Variants in NEGR1 observed in about 807,000 individuals in gnomAD.
The protein encoded by NEGR1 is IgLON family member 4.
NEGR1 carries 10 observed loss-of-function variants against 40.9 expected under a neutral mutation model. The observed-to-expected ratio is 0.24, with a 90% confidence interval of 0.15 to 0.42. The LOEUF (loss-of-function observed/expected upper bound fraction) is 0.42. Among genes scored for constraint, NEGR1 ranks in the 10% least tolerant of loss-of-function variants. The pLI is 1.00. For missense variants in NEGR1, 352 were observed against 438.9 expected, an observed-to-expected ratio of 0.80 and a Z score of 1.77; for synonymous variants, 185 against 166.8, an observed-to-expected ratio of 1.11 and a Z score of -0.84.
At chr1:72,270,321 T>C (rs1317656271) in intron 1 of NEGR1, among the ~76,000 whole-genome samples, 1 of 151,900 alleles carries the variant, frequency 6.6e-6, no homozygotes, top group Non-Finnish European at 1.5e-5. Context: ...TTTGCAAATA[T>C]GCAGAATTAG....
At chr1:72,097,917 T>C (rs541299185) in intron 1 of NEGR1, among the ~76,000 whole-genome samples, 2 of 152,328 alleles carry the variant, frequency 1.3e-5, no homozygotes, top group African/African-American at 2.4e-5. Flanking sequence ...ATTTGGTTGA[T>C]ACCCCCATAT....
intron 2 of NEGR1, among the ~76,000 whole-genome samples, chr1:71,930,088 T>G (rs1468472416): frequency 6.6e-6 from 1 of 152,140 alleles, no homozygotes; most frequent in African/African-American, 2.4e-5. Flanking sequence ...TATTCATAGA[T>G]TAAGGTGGTA....
intron 1 of NEGR1, among the ~76,000 whole-genome samples, chr1:72,167,163 A>G (rs1339450239): frequency 6.6e-6 from 1 of 152,106 alleles, no homozygotes; most frequent in East Asian, 1.9e-4. Flanking sequence ...CAAAAATAAG[A>G]AAAAAACATT....
chr1:71,418,353 G>T (rs899305722), intron 6 of NEGR1, among the ~76,000 whole-genome samples: 12 of 150,748 alleles, frequency 8.0e-5, no homozygotes, highest in Non-Finnish European at 1.5e-4. Flanking sequence ...TTACTCTGTC[G>T]CCCAGGCTGG....
chr1:71,592,767 TA>T, intron 6 of NEGR1, 49 bp downstream of exon 6: 12 of 1,455,246 alleles, frequency 8.2e-6, no homozygotes, highest in Non-Finnish European at 1.1e-5. Context: ...TACAGATGGA[TA>T]GGGGCCCAGA....
At chr1:71,730,308 A>G (rs1259512733) in intron 3 of NEGR1, among the ~76,000 whole-genome samples, 1 of 152,030 alleles carries the variant, frequency 6.6e-6, no homozygotes, top group African/African-American at 2.4e-5. Context: ...TGATTTGGAA[A>G]AAGAGACAAT....
intron 6 of NEGR1, among the ~76,000 whole-genome samples, chr1:71,587,998 C>T (rs968574500): frequency 2.6e-5 from 4 of 152,094 alleles, no homozygotes; most frequent in African/African-American, 9.7e-5. Context: ...GATGGCAAGT[C>T]TTTGAATACG....
At chr1:71,503,676 A>G (rs1647013476) in intron 6 of NEGR1, among the ~76,000 whole-genome samples, 1 of 152,136 alleles carries the variant, frequency 6.6e-6, no homozygotes. Flanking sequence ...TCCTCTTACA[A>G]GTACTGGAAT....
chr1:71,497,910 A>T (rs1451379627), intron 6 of NEGR1, among the ~76,000 whole-genome samples: 1 of 152,088 alleles, frequency 6.6e-6, no homozygotes, highest in Non-Finnish European at 1.5e-5. Context: ...TCAGGGTAGG[A>T]TGCTAAATTA....
chr1:72,084,911 T>G (rs1183457745), intron 1 of NEGR1, among the ~76,000 whole-genome samples: 1 of 152,214 alleles, frequency 6.6e-6, no homozygotes, highest in Non-Finnish European at 1.5e-5. Context: ...TGGAAACGAT[T>G]ATAAAAGTGA....
chr1:71,899,059 T>C (rs1661074517), intron 2 of NEGR1, among the ~76,000 whole-genome samples: 1 of 144,656 alleles, frequency 6.9e-6, no homozygotes, highest in South Asian at 2.2e-4. Flanking sequence ...TGTGTATGCC[T>C]AGGACTTCCA....
intron 4 of NEGR1, among the ~76,000 whole-genome samples, chr1:71,640,994 A>G (rs1186546464): frequency 2.6e-5 from 4 of 152,064 alleles, no homozygotes; most frequent in Non-Finnish European, 5.9e-5. Context: ...AATTCCTACA[A>G]AATTTTTAGA....
chr1:71,589,037 A>G (rs891678193), intron 6 of NEGR1, among the ~76,000 whole-genome samples: 4 of 152,066 alleles, frequency 2.6e-5, no homozygotes, highest in African/African-American at 9.7e-5. Context: ...TTCCTCATCT[A>G]TTTATTTAAC....
intron 1 of NEGR1, among the ~76,000 whole-genome samples, chr1:72,136,771 T>C (rs1650483911): frequency 6.6e-6 from 1 of 151,862 alleles, no homozygotes; most frequent in Non-Finnish European, 1.5e-5. Flanking sequence ...CTAAAGAGCT[T>C]CTGCACAGCA....
At chr1:71,484,303 T>G (rs927912918) in intron 6 of NEGR1, among the ~76,000 whole-genome samples, 3 of 151,642 alleles carry the variant, frequency 2.0e-5, no homozygotes, top group African/African-American at 7.2e-5. Flanking sequence ...CAAGACTTTT[T>G]TTTTTCATCT....
intron 6 of NEGR1, among the ~76,000 whole-genome samples, chr1:71,424,542 A>T (rs1467069946): frequency 6.6e-6 from 1 of 152,184 alleles, no homozygotes; most frequent in African/African-American, 2.4e-5. Context: ...TTAAAATTCC[A>T]AGTTAGTTGA....
chr1:72,182,792 A>T (rs997325177), intron 1 of NEGR1, among the ~76,000 whole-genome samples: 1 of 148,784 alleles, frequency 6.7e-6, no homozygotes, highest in Non-Finnish European at 1.5e-5. Context: ...ATATATATAT[A>T]TATATATGTT....
intron 1 of NEGR1, among the ~76,000 whole-genome samples, chr1:72,248,909 A>C (rs1278669246): frequency 2.0e-5 from 3 of 152,180 alleles, no homozygotes; most frequent in Admixed American, 6.5e-5. Context: ...GTTTAAATGC[A>C]TTATTGTATT....
chr1:71,774,217 T>C (rs1656423902), intron 3 of NEGR1, among the ~76,000 whole-genome samples: 1 of 152,162 alleles, frequency 6.6e-6, no homozygotes, highest in Non-Finnish European at 1.5e-5. Context: ...GCACAAGGAT[T>C]GGCAGATTTG....
Sources: allele counts gnomAD v4.1 joint callset (sites outside exome capture counted in the v4.1 genomes callset), GRCh38; gene constraint gnomAD v4.1.1; transcripts MANE v1.5; gene names NCBI Gene and HGNC (gene_info 2026-07-23, HGNC 2026-07-21).